Variants in XPNPEP1 observed in about 807,000 individuals in gnomAD.
XPNPEP1 encodes X-prolyl aminopeptidase 1.
In XPNPEP1, 39 loss-of-function variants were observed where a neutral mutation model predicts 92.4. That is an observed-to-expected ratio of 0.42 (90% confidence interval 0.33 to 0.55). The LOEUF (loss-of-function observed/expected upper bound fraction) is 0.55. XPNPEP1 is among the 20% of genes least tolerant of loss of function. The pLI is 0.08. For missense variants in XPNPEP1, 654 were observed against 856.1 expected, an observed-to-expected ratio of 0.76 and a Z score of 2.95; for synonymous variants, 307 against 299.4, an observed-to-expected ratio of 1.03 and a Z score of -0.26.
At chr10:109,902,810 A>T (rs1474504855) in intron 3 of XPNPEP1, among the ~76,000 whole-genome samples, 1 of 152,212 alleles carries the variant, frequency 6.6e-6, no homozygotes, top group African/African-American at 2.4e-5. Flanking sequence ...CTCAGATTAG[A>T]GCCTCAGTTT....
chr10:109,867,686 G>A lies in XPNPEP1; in HGVS notation c.1872+928C>T, dbSNP rs922242853. Among the ~76,000 whole-genome samples the A allele has an allele frequency of 6.6e-6, 1 of 152,208 alleles. No homozygotes were observed. The highest frequency in any genetic ancestry group is 1.5e-5 in the Non-Finnish European group (1 of 68,032). ...CAGTGAGGAAATGTTCCTGCCTTGAGAGGCACTCAAAGGCCATTGGCTGCC... is the reference window on the plus strand; with the variant it reads ...CAGTGAGGAAATGTTCCTGCCTTGAAAGGCACTCAAAGGCCATTGGCTGCC... On this transcript the variant is annotated intron_variant, in intron 20 of 20. Coordinates refer to ENST00000502935, the MANE Select transcript of XPNPEP1 (RefSeq NM_020383.4). The surrounding 1 kb of genome is among the most constrained non-coding windows in gnomAD (Gnocchi z 4.5).
chr10:109,884,936 G>A (rs1554877149), intron 8 of XPNPEP1, among the ~76,000 whole-genome samples: 1 of 152,180 alleles, frequency 6.6e-6, no homozygotes, highest in Non-Finnish European at 1.5e-5. Flanking sequence ...GCTTCTTAAA[G>A]TGATGAGGCA....
intron 12 of XPNPEP1, among the ~76,000 whole-genome samples, chr10:109,879,812 G>A (rs1317931345): frequency 6.6e-6 from 1 of 151,768 alleles, no homozygotes; most frequent in African/African-American, 2.4e-5. Flanking sequence ...ATATAAAAAG[G>A]CTCAAGGCTT....
chr10:109,887,453 C>G (rs1475366395), intron 7 of XPNPEP1, among the ~76,000 whole-genome samples: 1 of 152,190 alleles, frequency 6.6e-6, no homozygotes, highest in African/African-American at 2.4e-5. Context: ...CTACATTCCA[C>G]AGCCATCCCC....
At chr10:109,913,653 C>T (rs547017814) in intron 2 of XPNPEP1, among the ~76,000 whole-genome samples, 5 of 152,260 alleles carry the variant, frequency 3.3e-5, no homozygotes, top group African/African-American at 7.2e-5. Context: ...CATCAGGAAC[C>T]GGGACTCAAG....
chr10:109,923,266 G>T, intron 1 of XPNPEP1, 136 bp downstream of exon 1: 1 of 1,191,510 alleles, frequency 8.4e-7, no homozygotes, highest in South Asian at 3.6e-5. Context: ...GGGCTCCGGC[G>T]AGCGCGGCCC....
chr10:109,887,927 T>C, intron 7 of XPNPEP1, 122 bp downstream of exon 7: 1 of 1,399,238 alleles, frequency 7.1e-7, no homozygotes, highest in South Asian at 1.5e-5. Flanking sequence ...TGGGGCAGAG[T>C]AGGGCAAAAT....
intron 7 of XPNPEP1, among the ~76,000 whole-genome samples, chr10:109,886,953 C>A (rs757296837): frequency 6.6e-6 from 1 of 152,140 alleles, no homozygotes; most frequent in African/African-American, 2.4e-5. Context: ...TCAGACACTG[C>A]CAAGGCCTCT....
chr10:109,886,151 C>T, intron 8 of XPNPEP1, 95 bp downstream of exon 8: 1 of 1,239,238 alleles, frequency 8.1e-7, no homozygotes, highest in Non-Finnish European at 1.2e-6. Flanking sequence ...ATTCCCTGGC[C>T]ACTCAGAAAG....
chr10:109,868,540 G>A (rs944694570), intron 20 of XPNPEP1, 74 bp downstream of exon 20: 22 of 1,238,062 alleles, frequency 1.8e-5, no homozygotes, highest in African/African-American at 3.1e-5. Context: ...GGATTTAGAG[G>A]ATGGATTAGA....
chr10:109,915,140 C>A, intron 1 of XPNPEP1, 41 bp from the exon 2 acceptor site: 1 of 1,351,008 alleles, frequency 7.4e-7, no homozygotes. Flanking sequence ...ACTTTGACCA[C>A]AATAAACGTG....
chr10:109,880,203 G>A lies in XPNPEP1; in HGVS notation c.1167C>T (p.Asn389=), dbSNP rs753718041. The A allele has an allele frequency of 6.2e-7, 1 of 1,614,028 alleles. No homozygotes were observed. The highest frequency in any genetic ancestry group is 1.3e-5 in the African/African-American group (1 of 75,034). ...KDAVALCELF[N]WLEKEVPKGG... is the part of the protein sequence containing the mutation. ...AAGAACCAACCTCTTTCTCCAGCCAGTTAAAGAGTTCACAGAGAGCAACAG... is the reference window on the plus strand; with the variant it reads ...AAGAACCAACCTCTTTCTCCAGCCAATTAAAGAGTTCACAGAGAGCAACAG... The change falls in exon 12 of 21, where the codon AAC becomes AAT. Residue 389 remains asparagine, a synonymous_variant. Transcript: ENST00000502935.
chr10:109,866,616 C>T (rs1353780368), intron 20 of XPNPEP1, among the ~76,000 whole-genome samples: 1 of 151,926 alleles, frequency 6.6e-6, no homozygotes, highest in African/African-American at 2.4e-5. Context: ...GCCTGAGGAG[C>T]AGCACAAGGC....
intron 1 of XPNPEP1, among the ~76,000 whole-genome samples, chr10:109,922,424 G>A (rs147142131): frequency 0.013 from 1,908 of 152,286 alleles, 30 homozygotes; most frequent in South Asian, 0.098. Flanking sequence ...CCTTCCAGAT[G>A]GAAGTTCTCC....
At chr10:109,896,224 T>C (rs1458152531) in intron 3 of XPNPEP1, among the ~76,000 whole-genome samples, 1 of 152,022 alleles carries the variant, frequency 6.6e-6, no homozygotes, top group African/African-American at 2.4e-5. Flanking sequence ...AATAGCCACC[T>C]GGCCACTTTT....
intron 9 of XPNPEP1, among the ~76,000 whole-genome samples, chr10:109,883,204 A>G (rs533564448): frequency 6.6e-6 from 1 of 151,934 alleles, no homozygotes; most frequent in South Asian, 2.1e-4. Flanking sequence ...TGGCCTCACT[A>G]TGTTCTGACC....
At chr10:109,917,750 T>C (rs945932843) in intron 1 of XPNPEP1, among the ~76,000 whole-genome samples, 16 of 152,192 alleles carry the variant, frequency 1.1e-4, no homozygotes, top group African/African-American at 2.2e-4. Context: ...AGTGTGGTGC[T>C]AGCATAAGAA....
At chr10:109,876,227 C>T (rs1350275256) in intron 14 of XPNPEP1, 3 of 152,378 alleles carry the variant, frequency 2.0e-5, no homozygotes, top group Admixed American at 6.5e-5. Context: ...TTCCCCACAC[C>T]GTTTTCAAAA....
intron 1 of XPNPEP1, among the ~76,000 whole-genome samples, chr10:109,922,907 AG>A (rs1176123072): frequency 6.6e-6 from 1 of 152,150 alleles, no homozygotes; most frequent in Non-Finnish European, 1.5e-5. Context: ...TTGGGTAGGG[AG>A]GGGCCCGCGA....
Sources: gnomAD v4.1 joint callset for allele counts (sites outside exome capture counted in the v4.1 genomes callset) on GRCh38, gnomAD v4.1.1 for gene constraint, Gnocchi (gnomAD v3.1) non-coding constraint, MANE v1.5 for transcripts, NCBI Gene and HGNC (gene_info 2026-07-23, HGNC 2026-07-21) for gene names.